Variants in SHCBP1 observed in about 807,000 individuals in gnomAD.
SHCBP1 encodes the protein SHC binding and spindle associated 1.
Under a neutral mutation model 75.1 loss-of-function variants are expected in SHCBP1, and 60 were observed. The ratio of observed to expected loss-of-function variants is 0.80; its 90% CI spans 0.65 to 0.99. The LOEUF is 0.99. SHCBP1 is among the 50% of genes least tolerant of loss of function. SHCBP1 has a pLI of 0.00. For synonymous variants in SHCBP1, 290 were observed against 293.2 expected, an observed-to-expected ratio of 0.99 and a Z score of 0.11; for missense variants, 709 against 809.4, an observed-to-expected ratio of 0.88 and a Z score of 1.50.
At chr16:46,609,815 A>G (rs1183390012) in intron 4 of SHCBP1, among the ~76,000 whole-genome samples, 1 of 152,068 alleles carries the variant, frequency 6.6e-6, no homozygotes, top group Non-Finnish European at 1.5e-5. Context: ...AATCCTAAAC[A>G]TATACAACAA....
chr16:46,613,547 G>A (rs376231380), intron 4 of SHCBP1, among the ~76,000 whole-genome samples: 2 of 152,174 alleles, frequency 1.3e-5, no homozygotes, highest in East Asian at 3.9e-4. Context: ...TAAACACACT[G>A]AGCTCCCAAA....
intron 4 of SHCBP1, among the ~76,000 whole-genome samples, chr16:46,611,227 T>C (rs1965411033): frequency 6.6e-6 from 1 of 152,208 alleles, no homozygotes; most frequent in Non-Finnish European, 1.5e-5. Flanking sequence ...ACTACGGGAA[T>C]AGGCTTTGGC....
chr16:46,605,791 CA>C (rs1965317711), intron 5 of SHCBP1, among the ~76,000 whole-genome samples: 1 of 151,616 alleles, frequency 6.6e-6, no homozygotes, highest in South Asian at 2.1e-4. Context: ...AAAACAAATG[CA>C]AGATAGAACC....
In SHCBP1 at chr16:46,612,465, T is replaced by TTTG. The variant is rs559149689; in HGVS notation, c.596+3478_596+3480dup. Among the ~76,000 whole-genome samples the TTTG allele has an allele frequency of 6.3e-3, 959 of 151,914 alleles. 6 individuals are homozygous for TTTG. The highest frequency in any genetic ancestry group is 9.4e-3 in the Admixed American group (144 of 15,266). Reference sequence around the variant, plus strand: ...GTCCCTTCACCCTCTAGTGGAGTCTTTTGTTGTTGTTGTTGTTGTTGTTGT... The same window carrying TTTG: ...GTCCCTTCACCCTCTAGTGGAGTCTTTTGTTGTTGTTGTTGTTGTTGTTGTTGT... On this transcript the variant is annotated intron_variant, in intron 4 of 12. Coordinates refer to ENST00000303383, the MANE Select transcript of SHCBP1 (RefSeq NM_024745.5).
chr16:46,581,464 T>C lies in SHCBP1; in HGVS notation c.*265A>G, dbSNP rs555441476. 5.7e-4 allele frequency: 229 copies of C among 402,894 alleles called. 1 individual carries two copies. In the South Asian group the frequency reaches 7.8e-3, roughly 14 times the overall value. The allele number at this position is 402,894 out of a possible 1,614,324, so 25.0% of individuals were successfully genotyped here. ...TAAAAAGTTACTACCAGGCTTAATA[T>C]GAGAGAACCATGTGTATAAGAAAGC... On this transcript the variant is annotated 3_prime_UTR_variant, in exon 13 of 13. Transcript: ENST00000303383.
At chr16:46,586,903 A>C (rs1964962403) in intron 10 of SHCBP1, among the ~76,000 whole-genome samples, 2 of 152,140 alleles carry the variant, frequency 1.3e-5, no homozygotes, top group Non-Finnish European at 2.9e-5. Flanking sequence ...AGAAGGAAAA[A>C]TAGGAAAATT....
intron 1 of SHCBP1, among the ~76,000 whole-genome samples, chr16:46,619,766 G>A (rs1350380819): frequency 6.6e-6 from 1 of 152,140 alleles, no homozygotes; most frequent in Non-Finnish European, 1.5e-5. Flanking sequence ...CAGGCACGGT[G>A]GCTCACACCT....
chr16:46,596,696 G>A (rs1242236827), intron 9 of SHCBP1, among the ~76,000 whole-genome samples: 1 of 151,332 alleles, frequency 6.6e-6, no homozygotes, highest in East Asian at 2.0e-4. Context: ...GGGATTACAG[G>A]CATAAGCCAC....
rs373701887 is a variant in SHCBP1 at position 46,604,307 on chromosome 16, T to A, written c.844A>T (p.Met282Leu). The change falls in exon 6 of 13, where the codon ATG (methionine) becomes TTG (leucine). Residue 282 changes from methionine to leucine, a missense_variant. Physicochemically the swap from Met to Leu is conservative, Grantham distance 15. Coordinates refer to ENST00000303383, the MANE Select transcript of SHCBP1 (RefSeq NM_024745.5). ...NSDSEQENIS[M>L]VEGLKLYSEM... ...GAATACAATTTTAACCCTTCCACCA[T>A]GGAGATATTTTCCTGCTCGGAATCA... The A allele has an allele frequency of 1.2e-6, 2 of 1,614,062 alleles. No homozygotes were observed. Among genetic ancestry groups the A allele is most frequent in the African/African-American group, 2.7e-5 (2 of 74,940 alleles).
chr16:46,588,461 T>C (rs1964988038), intron 10 of SHCBP1, among the ~76,000 whole-genome samples: 2 of 151,976 alleles, frequency 1.3e-5, no homozygotes, highest in Non-Finnish European at 2.9e-5. Flanking sequence ...AAGAATCAAA[T>C]AGATGCAATA....
In SHCBP1 at chr16:46,603,583, A is replaced by G. The variant is rs749439950; in HGVS notation, c.1169T>C (p.Val390Ala). The G allele has an allele frequency of 1.2e-6, 2 of 1,614,216 alleles. No homozygotes were observed. Among genetic ancestry groups the G allele is most frequent in the Non-Finnish European group, 1.7e-6 (2 of 1,180,026 alleles). Residue 390 changes from valine to alanine, a missense_variant, in exon 8 of 13, where the codon GTG (valine) becomes GCG (alanine). Physicochemically the swap from Val to Ala is moderately conservative, Grantham distance 64 (BLOSUM62 0). Coordinates refer to ENST00000303383, the MANE Select transcript of SHCBP1 (RefSeq NM_024745.5). The part of the protein sequence containing the change: ...DTVIVCPGHY[V>A]VHGTFSIADS... The stretch of plus-strand genomic sequence containing the variant: ...AGCAATGGAGAAAGTGCCATGTACC[A>G]CATAATGGCCAGGACAAACAATAAC...
intron 10 of SHCBP1, among the ~76,000 whole-genome samples, chr16:46,590,403 TTACAATC>T (rs1965025264): frequency 6.6e-6 from 1 of 152,174 alleles, no homozygotes; most frequent in African/African-American, 2.4e-5. Context: ...AAGAAAATTT[TTACAATC>T]TACCCATCTG....
chr16:46,594,149 A>C (rs1450324749), intron 10 of SHCBP1, among the ~76,000 whole-genome samples: 1 of 152,194 alleles, frequency 6.6e-6, no homozygotes, highest in African/African-American at 2.4e-5. Context: ...ACGCTATAAA[A>C]ATTTTAGAAA....
chr16:46,594,353 G>A (rs1331190203), intron 10 of SHCBP1, among the ~76,000 whole-genome samples: 2 of 151,928 alleles, frequency 1.3e-5, no homozygotes, highest in Admixed American at 6.6e-5. Flanking sequence ...ACCTGACAAC[G>A]GACTAGTATC....
Position 46,603,631 on chromosome 16 carries a change from T to C in SHCBP1, c.1121A>G (p.Asn374Ser). 9 of 1,614,182 alleles carry C rather than the reference T, an allele frequency of 5.6e-6. No individual in the cohort carries two copies. Among genetic ancestry groups the C allele is most frequent in the Non-Finnish European group, 7.6e-6 (9 of 1,180,022 alleles). The change falls in exon 8 of 13, where the codon AAT becomes AGT. Residue 374 changes from asparagine to serine, a missense_variant. By Grantham distance (46) the Asn-to-Ser change is conservative. Transcript: ENST00000303383. ...QFHSDPLSAI[N>S]ACFEGDTVIV... ...AACAGTGTCACCTTCGAAGCAGGCA[T>C]TTATAGCAGACAATGGATCACTATG... is the stretch of plus-strand genomic sequence containing the variant.
intron 9 of SHCBP1, among the ~76,000 whole-genome samples, chr16:46,598,725 CCTCT>C: frequency 6.6e-6 from 1 of 152,170 alleles, no homozygotes; most frequent in East Asian, 1.9e-4. Flanking sequence ...ACTGACTTCT[CCTCT>C]CTAACTATGA....
rs555855463 is a variant in SHCBP1 at position 46,614,865 on chromosome 16, T to C, written c.596+1081A>G. Among the ~76,000 whole-genome samples the C allele has an allele frequency of 1.1e-4, 17 of 152,280 alleles. No individual in the cohort carries two copies. The East Asian group carries it at 3.1e-3, about 28-fold the overall frequency. On this transcript the variant is annotated intron_variant, in intron 4 of 12. Transcript: ENST00000303383. ...AACCCAATTAAGAATCCCCTACTTTTGTTAACATTTGTGAAAACCAAGTAA... is the reference window on the plus strand; with the variant it reads ...AACCCAATTAAGAATCCCCTACTTTCGTTAACATTTGTGAAAACCAAGTAA...
chr16:46,610,544 A>ATTTTGTTTTTTTTTTTTTTTTTTT (rs1965397169), intron 4 of SHCBP1, among the ~76,000 whole-genome samples: 1 of 31,088 alleles, frequency 3.2e-5, no homozygotes. Flanking sequence ...CATGGGGTCA[A>ATTTTGTTTTTTTTTTTTTTTTTTT]TTTTTTTTTT....
chr16:46,609,711 C>T (rs938552299), intron 4 of SHCBP1, among the ~76,000 whole-genome samples: 3 of 151,748 alleles, frequency 2.0e-5, no homozygotes, highest in African/African-American at 7.3e-5. Context: ...CTCGGTCTCC[C>T]AAAGTGCTGG....
Sources: gnomAD v4.1 joint callset for allele counts (sites outside exome capture counted in the v4.1 genomes callset) on GRCh38, gnomAD v4.1.1 for gene constraint, MANE v1.5 for transcripts, NCBI Gene and HGNC (gene_info 2026-07-23, HGNC 2026-07-21) for gene names.